ZNF679: variants seen among roughly 807,000 people sequenced by gnomAD.
ZNF679 encodes hypothetical protein MGC42415.
A neutral mutation model predicts 13.4 loss-of-function variants in ZNF679; 10 were observed. The observed-to-expected ratio is 0.75, with a 90% CI of 0.46 to 1.27. The LOEUF is 1.27. Ranked by LOEUF, ZNF679 falls within the 50% of genes most tolerant of loss-of-function variation. The pLI is 0.00. For synonymous variants in ZNF679, 179 were observed against 162.5 expected (o/e 1.10, Z -0.77); for missense variants, 525 against 477.8 (o/e 1.10, Z -0.92).
Position 64,249,079 on chromosome 7 carries a change from G to T in ZNF679, c.-39G>T. ...TGCGTCCTCTGTTCCTAGAGGCCAA[G>T]CCACTGTGGCCTTGTGTTCTGCAGG... On this transcript the variant is annotated 5_prime_UTR_variant, in exon 2 of 5. Transcript: ENST00000421025. 6.2e-7 allele frequency: 1 copy of T among 1,613,844 alleles called. No homozygotes were observed. The highest frequency in any genetic ancestry group is 1.1e-5 in the South Asian group (1 of 91,050).
intron 1 of ZNF679, among the ~76,000 whole-genome samples, chr7:64,244,245 A>C (rs997526235): frequency 2.0e-5 from 3 of 152,220 alleles, no homozygotes; most frequent in Middle Eastern, 3.4e-3. Flanking sequence ...GCGAGACTCC[A>C]TCTCACAAAA....
chr7:64,259,817 A>G (rs558306339), intron 2 of ZNF679, among the ~76,000 whole-genome samples: 5 of 152,180 alleles, frequency 3.3e-5, no homozygotes, highest in Non-Finnish European at 7.4e-5. Flanking sequence ...AGTCCCAGCT[A>G]CTTGGGAAGC....
rs1458050624 is a variant in ZNF679, at chr7:64,266,439, CAT to C, written c.807_808del (p.Cys270Ter). ...ATTCATACTGGAGAAAAACCCTACACATGTGAAGAATGTGGCCAAGCCTTTAG... is the reference window on the plus strand; with the variant it reads ...ATTCATACTGGAGAAAAACCCTACACGTGAAGAATGTGGCCAAGCCTTTAG... On this transcript the variant is annotated frameshift_variant, in exon 5 of 5. Coordinates refer to ENST00000421025, the MANE Select transcript of ZNF679 (RefSeq NM_153363.3). LOFTEE classifies it low-confidence loss of function (END_TRUNC). 1 of 1,611,448 alleles carries C rather than the reference CAT, an allele frequency of 6.2e-7. No individual in the cohort carries two copies. The highest frequency in any genetic ancestry group is 8.5e-7 in the Non-Finnish European group (1 of 1,179,054).
Position 64,265,967 on chromosome 7 carries a change from C to T in ZNF679, c.334C>T (p.Pro112Ser). The stretch of plus-strand genomic sequence containing the variant: ...AAAAGATTCACTCCAAAAAGTAATA[C>T]CAAGAAGATATGGAAAAAGTGGACA... ...GIKDSLQKVI[P>S]RRYGKSGHDN... is the part of the protein sequence containing the mutation. Residue 112 changes from proline (P) to serine (S), a missense_variant, in exon 5 of 5, where the codon CCA (proline) becomes TCA (serine). Physicochemically the swap from Pro to Ser is moderately conservative, Grantham distance 74. Coordinates refer to ENST00000421025, the MANE Select transcript of ZNF679 (RefSeq NM_153363.3). 6.2e-7 allele frequency: 1 copy of T among 1,613,644 alleles called. No individual in the cohort carries two copies. Among genetic ancestry groups the T allele is most frequent in the African/African-American group, 1.3e-5 (1 of 74,960 alleles).
At chr7:64,230,618 C>G (rs1336755292) in intron 1 of ZNF679, among the ~76,000 whole-genome samples, 1 of 151,772 alleles carries the variant, frequency 6.6e-6, no homozygotes, top group Admixed American at 6.6e-5. Flanking sequence ...AAATATATGT[C>G]ACTGTCTCGT....
intron 4 of ZNF679, among the ~76,000 whole-genome samples, chr7:64,262,743 G>A (rs1788094395): frequency 6.6e-6 from 1 of 152,116 alleles, no homozygotes; most frequent in South Asian, 2.1e-4. Context: ...AAATTAAGAA[G>A]TATATTGCCT....
intron 4 of ZNF679, among the ~76,000 whole-genome samples, chr7:64,262,646 GC>G: frequency 6.6e-6 from 1 of 152,170 alleles, no homozygotes; most frequent in East Asian, 1.9e-4. Context: ...TCATTGCTGG[GC>G]CCCCTATTTT....
intron 1 of ZNF679, among the ~76,000 whole-genome samples, chr7:64,238,152 CT>C (rs906614248): frequency 2.0e-5 from 3 of 152,138 alleles, no homozygotes; most frequent in African/African-American, 7.2e-5. Context: ...CCCCCAGACC[CT>C]TGGACTCTGC....
intron 1 of ZNF679, 105 bp from the exon 2 acceptor site, chr7:64,248,923 T>C: frequency 1.2e-6 from 1 of 809,234 alleles, no homozygotes; most frequent in Non-Finnish European, 1.9e-6. Flanking sequence ...TGAAACCTTA[T>C]CCAATCAGGG....
At chr7:64,229,951 C>T (rs1584221554) in intron 1 of ZNF679, among the ~76,000 whole-genome samples, 1 of 152,148 alleles carries the variant, frequency 6.6e-6, no homozygotes, top group East Asian at 1.9e-4. Flanking sequence ...ACACATGCTG[C>T]GAACATAAGA....
intron 2 of ZNF679, among the ~76,000 whole-genome samples, chr7:64,255,152 A>G (rs1440306313): frequency 6.6e-6 from 1 of 152,066 alleles, no homozygotes. Context: ...ACAGGCTGTC[A>G]CACTGCACAT....
intron 1 of ZNF679, among the ~76,000 whole-genome samples, chr7:64,241,883 A>G (rs1562841769): frequency 6.6e-6 from 1 of 152,196 alleles, no homozygotes; most frequent in Non-Finnish European, 1.5e-5. Flanking sequence ...AATACAGTAA[A>G]ATTAATCAGA....
At position 64,260,211 on chromosome 7, in the gene ZNF679, T is replaced by C; in HGVS notation, c.40-10T>C. On this transcript the variant is annotated splice_polypyrimidine_tract_variant and intron_variant, in intron 2 of 4. Transcript: ENST00000421025. ...ATGAGTGTTTTTTTGTTGTTGTTAT[T>C]GTTTTTCAGGGACTGTTGACATTCA... 1.3e-6 allele frequency: 2 copies of C among 1,591,182 alleles called. No individual in the cohort carries two copies. Among genetic ancestry groups the C allele is most frequent in the South Asian group, 2.3e-5 (2 of 87,484 alleles).
intron 1 of ZNF679, among the ~76,000 whole-genome samples, chr7:64,236,953 GAA>G (rs376584877): frequency 2.0e-4 from 12 of 60,304 alleles, no homozygotes; most frequent in South Asian, 5.2e-4. Context: ...AAGAAAGAAA[GAA>G]AGAAAGAAAG....
rs17139320 is a variant in ZNF679, at chr7:64,265,992, A to G, written c.359A>G (p.His120Arg). The G allele has an allele frequency of 0.035, 56,731 of 1,613,698 alleles. 1,896 individuals carry two copies. Among genetic ancestry groups the G allele is most frequent in the East Asian group, 0.19 (8,372 of 44,838 alleles). The change falls in exon 5 of 5, where the codon CAT becomes CGT. Residue 120 changes from histidine (H) to arginine (R), a missense_variant. Transcript: ENST00000421025. ...CCAAGAAGATATGGAAAAAGTGGAC[A>G]TGACAATTTACAAGTAAAAACATGT... ...VIPRRYGKSG[H>R]DNLQVKTCKS...
intron 1 of ZNF679, among the ~76,000 whole-genome samples, chr7:64,242,925 C>T (rs1787817478): frequency 6.6e-6 from 1 of 152,168 alleles, no homozygotes; most frequent in South Asian, 2.1e-4. Flanking sequence ...GACCTTTGTC[C>T]AGATCCACAT....
At position 64,250,265 on chromosome 7, in the gene ZNF679, G is replaced by GTTTTTTTTTTTTTTTTTTTTTTTTTTTTT. The variant is rs11434714; in HGVS notation, c.39+1131_39+1132insTTTTTTTTTTTTTTTTTTTTTTTTTTTTT. Among the ~76,000 whole-genome samples, 3 of 91,318 alleles carry GTTTTTTTTTTTTTTTTTTTTTTTTTTTTT rather than the reference G, an allele frequency of 3.3e-5. 1 individual carries two copies. Among genetic ancestry groups the GTTTTTTTTTTTTTTTTTTTTTTTTTTTTT allele is most frequent in the Non-Finnish European group, 2.0e-5 (1 of 50,828 alleles). The allele number at this position is 91,318 out of a possible 152,430, so 59.9% of individuals were successfully genotyped here. ...TCTACAGGAAACTGGCTTTCCCTTG[G>GTTTTTTTTTTTTTTTTTTTTTTTTTTTTT]TTTTTTTTTTTTTTTTTTTTTTGAG... On this transcript the variant is annotated intron_variant, in intron 2 of 4. Coordinates refer to ENST00000421025, the MANE Select transcript of ZNF679 (RefSeq NM_153363.3).
In ZNF679 at chr7:64,260,894, A is replaced by C. The variant is rs568353837; in HGVS notation, c.227A>C (p.Asn76Thr). Residue 76 changes from asparagine to threonine, a missense_variant, in exon 4 of 5, where the codon AAT becomes ACT. Physicochemically the swap from Asn to Thr is moderately conservative, Grantham distance 65 (BLOSUM62 0). Transcript: ENST00000421025. ...TCLEQNKEPW[N>T]IKRNEMVTKH... ...CTGGAGCAAAATAAAGAGCCTTGGA[A>C]TATAAAGAGAAATGAGATGGTAACC... 7.3e-5 allele frequency: 118 copies of C among 1,612,688 alleles called. 1 individual carries two copies. In the South Asian group the frequency reaches 1.3e-3, roughly 17 times the overall value.
intron 1 of ZNF679, among the ~76,000 whole-genome samples, chr7:64,229,939 C>A (rs1342592610): frequency 6.6e-6 from 1 of 152,302 alleles, no homozygotes; most frequent in East Asian, 1.9e-4. Flanking sequence ...TGATATGTTA[C>A]AACACATGCT....
Sources: gnomAD v4.1 joint callset for allele counts (sites outside exome capture counted in the v4.1 genomes callset) on GRCh38, gnomAD v4.1.1 for gene constraint, MANE v1.5 for transcripts, NCBI Gene and HGNC (gene_info 2026-07-23, HGNC 2026-07-21) for gene names.